PEX16: variants seen among roughly 807,000 people sequenced by gnomAD.
PEX16 encodes peroxin 16.
In PEX16, 37 loss-of-function variants were observed where a neutral mutation model predicts 50.5. That is an observed-to-expected ratio of 0.73 (90% CI 0.56 to 0.96). The LOEUF is 0.96. Among genes scored for constraint, PEX16 ranks in the 40% least tolerant of loss-of-function variants. The pLI, the probability that PEX16 is intolerant of heterozygous loss-of-function variation, is 0.00. For synonymous variants in PEX16, 185 were observed against 190.3 expected (o/e 0.97, Z 0.23); for missense variants, 401 against 438.3 (o/e 0.91, Z 0.76).
At chr11:45,917,909 C>T, upstream of PEX16, 4 of 889,482 alleles carry the variant, frequency 4.5e-6, no homozygotes, top group Non-Finnish European at 7.2e-6. Context: ...CTTAGGCCCG[C>T]CTCTTGGTTG....
chr11:45,914,126 C>T lies in PEX16; in HGVS notation c.767+5G>A. On this transcript the variant is annotated splice_donor_5th_base_variant and intron_variant, in intron 8 of 10. Coordinates refer to ENST00000378750, the MANE Select transcript of PEX16 (RefSeq NM_004813.4). ...GAGTGAAGCCCCAGGCAGGCCCAGG[C>T]TCACCTGGTCACGTCCACAACACCA... 6.3e-7 allele frequency: 1 copy of T among 1,595,368 alleles called. No homozygotes were observed. Among genetic ancestry groups the T allele is most frequent in the Non-Finnish European group, 8.5e-7 (1 of 1,170,498 alleles).
At position 45,910,094 on chromosome 11, in the gene PEX16, G is replaced by A; in HGVS notation, c.*160C>T. On this transcript the variant is annotated 3_prime_UTR_variant, in exon 11 of 11. Transcript: ENST00000378750. ...ATCGTCACAGGAGAGCGCAGTCAAG[G>A]GTGTCCTGGGAGGAACGCTGGTGGC... 6.2e-7 allele frequency: 1 copy of A among 1,611,146 alleles called. No homozygotes were observed. The highest frequency in any genetic ancestry group is 8.5e-7 in the Non-Finnish European group (1 of 1,179,646).
At chr11:45,917,173 C>T (rs2086845583) in intron 2 of PEX16, 2 of 688,490 alleles carry the variant, frequency 2.9e-6, no homozygotes, top group Admixed American at 2.0e-5. Context: ...ATAAGTACCA[C>T]TTAATATGAC....
Position 45,914,647 on chromosome 11 carries a change from G to A in PEX16, c.498C>T (p.Tyr166=), listed in dbSNP as rs918637787. ...DHSPGNHEQS[Y]VGKRSNRVVR... ...CCACCCGGTTTGACCGCTTCCCCAC[G>A]TAGGACTGCTCATGGTTGCCAGGGC... Residue 166 remains tyrosine, a synonymous_variant, in exon 6 of 11, where the codon TAC becomes TAT. Coordinates refer to ENST00000378750, the MANE Select transcript of PEX16 (RefSeq NM_004813.4). The A allele has an allele frequency of 3.7e-6, 6 of 1,614,088 alleles. No homozygotes were observed. The highest frequency in any genetic ancestry group is 2.2e-5 in the East Asian group (1 of 44,898).
chr11:45,914,942 C>A (rs947892749), intron 5 of PEX16, among the ~76,000 whole-genome samples: 2 of 152,216 alleles, frequency 1.3e-5, no homozygotes, highest in African/African-American at 4.8e-5. Flanking sequence ...TCCCGGAACC[C>A]ATGGACAGGC....
At position 45,914,353 on chromosome 11, in the gene PEX16, G is replaced by A. The variant is rs200522601; in HGVS notation, c.657C>T (p.Ile219=). The A allele has an allele frequency of 3.3e-5, 53 of 1,611,894 alleles. 1 individual carries two copies. The highest frequency in any genetic ancestry group is 4.5e-5 in the East Asian group (2 of 44,892). The stretch of plus-strand genomic sequence containing the variant: ...GCCGGGCAATGTACAAAAACTCTGC[G>A]ATGGTCTCCTGCAGCCCCAGGGGGG... ...TPTPLGLQET[I]AEFLYIARPL... Residue 219 remains isoleucine, a synonymous_variant, in exon 7 of 11, where the codon ATC becomes ATT. Transcript: ENST00000378750.
chr11:45,918,522 C>T (rs577388754), upstream of PEX16: 5 of 152,748 alleles, frequency 3.3e-5, no homozygotes, highest in South Asian at 1.0e-3. Context: ...GGACTGTGCC[C>T]CCCAAAGGGC....
At chr11:45,913,675 C>T in intron 9 of PEX16, 144 bp downstream of exon 9, 3 of 903,650 alleles carry the variant, frequency 3.3e-6, no homozygotes, top group Admixed American at 3.8e-5. Flanking sequence ...ACTGGGCTGG[C>T]ATCTGGTGAC....
chr11:45,911,356 G>A (rs1268739769), intron 9 of PEX16, among the ~76,000 whole-genome samples: 1 of 152,260 alleles, frequency 6.6e-6, no homozygotes, highest in Non-Finnish European at 1.5e-5. Flanking sequence ...GAAGTGCTGG[G>A]CTGCATGGAA....
In PEX16 at chr11:45,909,770, G is replaced by A; in HGVS notation, c.*484C>T. On this transcript the variant is annotated 3_prime_UTR_variant, in exon 11 of 11. Transcript: ENST00000378750. The stretch of plus-strand genomic sequence containing the variant: ...GTTCACCAGGCTCTGTCACAGGGAG[G>A]CTGGCAACGCCATGGCCTGGGGCTG... 1 of 444,414 alleles carries A rather than the reference G, an allele frequency of 2.3e-6. No individual in the cohort carries two copies. Among genetic ancestry groups the A allele is most frequent in the Non-Finnish European group, 4.2e-6 (1 of 240,844 alleles). The allele number at this position is 444,414 out of a possible 1,614,324, so 27.5% of individuals were successfully genotyped here.
chr11:45,917,896 G>A, upstream of PEX16: 2 of 988,580 alleles, frequency 2.0e-6, no homozygotes, highest in Admixed American at 2.0e-5. Flanking sequence ...TCCTGCTTCC[G>A]GTCTTAGGCC....
At position 45,913,894 on chromosome 11, in the gene PEX16, C is replaced by A. The variant is rs769838583; in HGVS notation, c.812G>T (p.Arg271Leu). Residue 271 changes from arginine to leucine, a missense_variant, in exon 9 of 11, where the codon CGG becomes CTG. Physicochemically the swap from Arg to Leu is moderately radical, Grantham distance 102. Coordinates refer to ENST00000378750, the MANE Select transcript of PEX16 (RefSeq NM_004813.4). ...SDRKGLTRRE[R>L]RELRRRTILL... ...GATGGTCCGGCGCCGCAGCTCCCGC[C>A]GCTCCCTCCGGGTCAGGCCCTTTCT... 6.2e-7 allele frequency: 1 copy of A among 1,613,462 alleles called. No homozygotes were observed. The highest frequency in any genetic ancestry group is 1.1e-5 in the South Asian group (1 of 91,068).
chr11:45,911,603 G>A (rs1266412245), intron 9 of PEX16, among the ~76,000 whole-genome samples: 6 of 152,186 alleles, frequency 3.9e-5, no homozygotes, highest in East Asian at 3.9e-4. Context: ...CTACAAAGTG[G>A]GTACTGTCAT....
chr11:45,916,220 T>G lies in PEX16; in HGVS notation c.225+7A>C. 1 of 1,611,470 alleles carries G rather than the reference T, an allele frequency of 6.2e-7. No individual in the cohort carries two copies. The highest frequency in any genetic ancestry group is 8.5e-7 in the Non-Finnish European group (1 of 1,177,742). The stretch of plus-strand genomic sequence containing the variant: ...GCTTCCCACCCTGTTCTTGGCAGAA[T>G]TCTCACCACAGGCAACTTTTTCCGA... On this transcript the variant is annotated splice_region_variant and intron_variant, in intron 3 of 10. Transcript: ENST00000378750.
Position 45,909,955 on chromosome 11 carries a change from A to G in PEX16, c.*299T>C. ...CGCTCCTATGGCTGCCGAGGCGAGC[A>G]GCTTCCCGGGCTCCATGAGGTGAAG... On this transcript the variant is annotated 3_prime_UTR_variant, in exon 11 of 11. Transcript: ENST00000378750. The G allele has an allele frequency of 1.2e-6, 1 of 813,664 alleles. No homozygotes were observed. Among genetic ancestry groups the G allele is most frequent in the Non-Finnish European group, 2.1e-6 (1 of 483,522 alleles). The allele number at this position is 813,664 out of a possible 1,614,324, so 50.4% of individuals were successfully genotyped here.
chr11:45,915,092 C>G (rs537587548), intron 5 of PEX16, among the ~76,000 whole-genome samples: 2 of 152,336 alleles, frequency 1.3e-5, no homozygotes, highest in Admixed American at 6.5e-5. Flanking sequence ...AGAGTGAGGC[C>G]CAGAAGCTGA....
intron 9 of PEX16, 52 bp downstream of exon 9, chr11:45,913,767 C>A: frequency 6.2e-7 from 1 of 1,609,352 alleles, no homozygotes; most frequent in Non-Finnish European, 8.5e-7. Flanking sequence ...ACCGGAGCAC[C>A]AGTGCCCGCT....
At chr11:45,910,394 G>T in intron 10 of PEX16, 82 bp from the exon 11 acceptor site, 1 of 1,165,156 alleles carries the variant, frequency 8.6e-7, no homozygotes, top group Non-Finnish European at 1.3e-6. Context: ...CACCCCTGCG[G>T]CCCAGGAGCC....
intron 2 of PEX16, chr11:45,917,071 T>C (rs1326677793): frequency 7.5e-6 from 4 of 534,522 alleles, no homozygotes; most frequent in South Asian, 6.1e-5. Context: ...TCCTGGAATC[T>C]GGGAGATCTA....
Sources: gnomAD v4.1 joint callset for allele counts (sites outside exome capture counted in the v4.1 genomes callset) on GRCh38, gnomAD v4.1.1 for gene constraint, MANE v1.5 for transcripts, NCBI Gene and HGNC (gene_info 2026-07-23, HGNC 2026-07-21) for gene names.